VWA5B2: variants seen among roughly 807,000 people sequenced by gnomAD.
VWA5B2 encodes the protein von Willebrand factor A domain-containing protein 5B2.
Under a neutral mutation model 118.5 loss-of-function variants are expected in VWA5B2, and 93 were observed. The ratio of observed to expected loss-of-function variants is 0.79; its 90% confidence interval spans 0.66 to 0.93. VWA5B2 has a LOEUF of 0.93. Ranked by LOEUF, VWA5B2 falls within the 40% of genes least tolerant of loss-of-function variation. The pLI is 0.00. For synonymous variants in VWA5B2, 708 were observed against 716.3 expected, an observed-to-expected ratio of 0.99 and a Z score of 0.19; for missense variants, 1,546 against 1,672.8, an observed-to-expected ratio of 0.92 and a Z score of 1.32.
rs1433368797 is a variant in VWA5B2, at chr3:184,239,451, C to T, written c.2260C>T (p.Arg754Ter). 3 of 1,549,900 alleles carry T rather than the reference C, an allele frequency of 1.9e-6. No individual in the cohort carries two copies. Among genetic ancestry groups the T allele is most frequent in the South Asian group, 1.2e-5 (1 of 83,964 alleles). The change falls in exon 15 of 20, where the codon CGA becomes TGA. Residue 754 changes from arginine to a stop codon, truncating the protein, a stop_gained. Transcript: ENST00000691901. LOFTEE classifies it high-confidence loss of function. This position sits in a 1 kb window ranked among gnomAD's most constrained non-coding sequence, Gnocchi z 5.1. ...GRQHRAALAGRSLSSPPGRAN... is the reference protein window; with the variant it reads ...GRQHRAALAG ...TCAGCACAGAGCGGCTCTGGCTGGC[C>T]GAAGCCTCTCATCCCCTCCAGGCCG... is the stretch of plus-strand genomic sequence containing the variant.
At chr3:184,236,853 G>A (rs1718058020) in intron 11 of VWA5B2, 104 bp downstream of exon 11, 12 of 990,498 alleles carry the variant, frequency 1.2e-5, no homozygotes, top group Admixed American at 2.9e-5. Context: ...GGCTCCTGGC[G>A]CCCTCACCAG....
chr3:184,240,509 AGGT>A (rs1718469423), intron 16 of VWA5B2: 1 of 502,732 alleles, frequency 2.0e-6, no homozygotes, highest in Non-Finnish European at 3.5e-6. Context: ...GTGCAGAAGC[AGGT>A]GGAGGAAAAT....
chr3:184,233,806 A>G lies in VWA5B2; in HGVS notation c.688+73A>G. 6.6e-7 allele frequency: 1 copy of G among 1,520,816 alleles called. No individual in the cohort carries two copies. The highest frequency in any genetic ancestry group is 8.8e-7 in the Non-Finnish European group (1 of 1,132,110). 94.2% of individuals were successfully genotyped at this position (1,520,816 alleles called of 1,614,324 possible). On this transcript the variant is annotated intron_variant, in intron 5 of 19. Transcript: ENST00000691901. This position sits in a 1 kb window ranked among gnomAD's most constrained non-coding sequence, Gnocchi z 5.2. ...CCAGTGTAGTGACTGGAAGGGAAAT[A>G]AGGCTCAGGGATAGGAGGGACACAG...
At position 184,237,834 on chromosome 3, in the gene VWA5B2, CACTT is replaced by C. The variant is rs1718163007; in HGVS notation, c.1719+426_1719+429del. Among the ~76,000 whole-genome samples the C allele has an allele frequency of 6.6e-6, 1 of 152,218 alleles. No homozygotes were observed. The highest frequency in any genetic ancestry group is 1.5e-5 in the Non-Finnish European group (1 of 68,048). On this transcript the variant is annotated intron_variant, in intron 12 of 19. Transcript: ENST00000691901. This position sits in a 1 kb window ranked among gnomAD's most constrained non-coding sequence, Gnocchi z 5.6. ...GCACAATCTCTAATCCCAGCTCTGTCACTTACCAGCCATTTGATTTGAGCAAGTC... is the reference window on the plus strand; with the variant it reads ...GCACAATCTCTAATCCCAGCTCTGTCACCAGCCATTTGATTTGAGCAAGTC...
Position 184,236,461 on chromosome 3 carries a change from G to T in VWA5B2, c.1331G>T (p.Arg444Leu). ...CAGCCCCAGCACAGGGCCTACCCTCGGCAGCTGTTCCTGCTCACTGCTGCC... is the reference window on the plus strand; with the variant it reads ...CAGCCCCAGCACAGGGCCTACCCTCTGCAGCTGTTCCTGCTCACTGCTGCC... ...VGQPQHRAYP[R>L]QLFLLTAASP... Residue 444 changes from arginine to leucine, a missense_variant, in exon 10 of 20, where the codon CGG becomes CTG. Arg to Leu is a moderately radical substitution (Grantham distance 102, BLOSUM62 -2). Around this residue, in one of 3 missense-constraint regions of VWA5B2, gnomAD observed 775 missense variants for 882.3 expected, o/e 0.88. Transcript: ENST00000691901. 6.5e-7 allele frequency: 1 copy of T among 1,546,600 alleles called. No individual in the cohort carries two copies. The highest frequency in any genetic ancestry group is 8.7e-7 in the Non-Finnish European group (1 of 1,146,938).
chr3:184,236,039 A>C (rs1354154266), intron 8 of VWA5B2, 113 bp from the exon 9 acceptor site: 3 of 986,236 alleles, frequency 3.0e-6, no homozygotes, highest in Non-Finnish European at 4.6e-6. Flanking sequence ...CTCCCAGGTT[A>C]CCACAGCCTC....
chr3:184,234,502 G>C, intron 6 of VWA5B2, 105 bp downstream of exon 6: 1 of 1,528,772 alleles, frequency 6.5e-7, no homozygotes, highest in East Asian at 2.5e-5. Context: ...GATGGACTGA[G>C]TCATCTGTGA....
chr3:184,230,786 C>A lies in VWA5B2; in HGVS notation c.179C>A (p.Ser60Tyr). 3 of 1,242,134 alleles carry A rather than the reference C, an allele frequency of 2.4e-6. No individual in the cohort carries two copies. The highest frequency in any genetic ancestry group is 6.3e-5 in the South Asian group (2 of 31,978). 76.9% of individuals were successfully genotyped at this position (1,242,134 alleles called of 1,614,324 possible). A position where few individuals can be genotyped will look rare whatever the true frequency, so the allele number is the denominator to read the frequency against. The change falls in exon 3 of 20, where the codon TCC (serine) becomes TAC (tyrosine). Residue 60 changes from serine (S) to tyrosine (Y), a missense_variant. Ser to Tyr is a moderately radical substitution (Grantham distance 144, BLOSUM62 -2). Around this residue, in one of 3 missense-constraint regions of VWA5B2, gnomAD observed 775 missense variants for 882.3 expected, o/e 0.88. Coordinates refer to ENST00000691901, the MANE Select transcript of VWA5B2 (RefSeq NM_001390846.1). The stretch of plus-strand genomic sequence containing the variant: ...CCGCTGGCCGAGGCCGAGGTGGTGT[C>A]CGGCTTCGAGGCCGAGGCCGCCGGA... ...VYPLAEAEVV[S>Y]GFEAEAAGRR...
rs1459499103 is a variant in VWA5B2 at position 184,242,290 on chromosome 3, C to T, written c.*252C>T. 9.4e-6 allele frequency: 7 copies of T among 745,246 alleles called. No individual in the cohort carries two copies. The highest frequency in any genetic ancestry group is 1.6e-5 in the Non-Finnish European group (7 of 437,248). The allele number at this position is 745,246 out of a possible 1,614,324, so 46.2% of individuals were successfully genotyped here. A position where few individuals can be genotyped will look rare whatever the true frequency, so the allele number is the denominator to read the frequency against. On this transcript the variant is annotated 3_prime_UTR_variant, in exon 20 of 20. Transcript: ENST00000691901. ...GCAACACAGTGGAAGGGTAGAGAGC[C>T]ACAGTCCCCAAATCCTATGCAATAA...
chr3:184,230,398 G>T lies in VWA5B2; in HGVS notation c.-131G>T. ...CCCTCAGGAGCTCCCGCTCGGCCTC[G>T]CGCCCCGGCAGGCCCCGTCCGGGTG... On this transcript the variant is annotated 5_prime_UTR_variant, in exon 2 of 20. Coordinates refer to ENST00000691901, the MANE Select transcript of VWA5B2 (RefSeq NM_001390846.1). The T allele has an allele frequency of 8.8e-7, 1 of 1,135,916 alleles. No individual in the cohort carries two copies. Among genetic ancestry groups the T allele is most frequent in the Non-Finnish European group, 1.1e-6 (1 of 880,454 alleles). 70.4% of individuals were successfully genotyped at this position (1,135,916 alleles called of 1,614,324 possible).
At chr3:184,230,944 C>A in intron 3 of VWA5B2, 27 bp downstream of exon 3, 4 of 1,210,140 alleles carry the variant, frequency 3.3e-6, no homozygotes, top group Non-Finnish European at 4.1e-6. Flanking sequence ...CGCACCCGCG[C>A]TCCTGAAAGC....
In VWA5B2 at chr3:184,230,896, A is replaced by C; in HGVS notation, c.289A>C (p.Thr97Pro). The C allele has an allele frequency of 1.6e-6, 2 of 1,221,134 alleles. No homozygotes were observed. The highest frequency in any genetic ancestry group is 3.8e-5 in the South Asian group (1 of 26,084). 75.6% of individuals were successfully genotyped at this position (1,221,134 alleles called of 1,614,324 possible). The change falls in exon 3 of 20, where the codon ACG becomes CCG. Residue 97 changes from threonine (T) to proline (P), a missense_variant. Transcript: ENST00000691901. Reference protein sequence around the residue: ...RALGPGLGTPTPRRCAQGHLV... With the variant: ...RALGPGLGTPPPRRCAQGHLV... ...TCTGGGCCCGGGGCTGGGGACCCCG[A>C]CGCCCCGCCGCTGCGCGCAGGGTGA...
chr3:184,241,137 G>A lies in VWA5B2; in HGVS notation c.2962+30G>A. 1 of 1,551,586 alleles carries A rather than the reference G, an allele frequency of 6.4e-7. No homozygotes were observed. Among genetic ancestry groups the A allele is most frequent in the African/African-American group, 1.4e-5 (1 of 73,142 alleles). ...CACCCAAAGGTAGGGAAAGGGTAGG[G>A]GCACTTGGGCTTAGAGACCGCCCCC... On this transcript the variant is annotated intron_variant, in intron 18 of 19. Coordinates refer to ENST00000691901, the MANE Select transcript of VWA5B2 (RefSeq NM_001390846.1). This position sits in a 1 kb window ranked among gnomAD's most constrained non-coding sequence, Gnocchi z 5.1.
chr3:184,240,595 G>C, intron 16 of VWA5B2, 196 bp from the exon 17 acceptor site: 1 of 746,898 alleles, frequency 1.3e-6, no homozygotes. Flanking sequence ...CTCTTGCTCT[G>C]CTATGGGTTG....
rs546287335 is a variant in VWA5B2 at position 184,238,275 on chromosome 3, AT to A, written c.1720-21del. ...AAGAGGTAGCACATAACTGCAGTTA[AT>A]TTTTTTCCCAATAATATTCTCTCTA... On this transcript the variant is annotated intron_variant, in intron 12 of 19. Transcript: ENST00000691901. The surrounding 1 kb of genome is among the most constrained non-coding windows in gnomAD (Gnocchi z 5.0). 1,064 of 1,460,178 alleles carry A rather than the reference AT, an allele frequency of 7.3e-4. 6 individuals carry two copies. The African/African-American group carries it at 0.014, about 19-fold the overall frequency. 90.5% of individuals were successfully genotyped at this position (1,460,178 alleles called of 1,614,324 possible). A position where few individuals can be genotyped will look rare whatever the true frequency, so the allele number is the denominator to read the frequency against.
intron 10 of VWA5B2, 27 bp downstream of exon 10, chr3:184,236,578 T>C (rs1439033100): frequency 1.3e-6 from 2 of 1,549,074 alleles, no homozygotes; most frequent in East Asian, 2.4e-5. Flanking sequence ...ACCAGATGCG[T>C]AAGACTGAGC....
rs1443749247 is a variant in VWA5B2 at position 184,237,755 on chromosome 3, A to G, written c.1719+344A>G. 2.0e-5 allele frequency among the ~76,000 whole-genome samples: 3 copies of G among 152,344 alleles called. No homozygotes were observed. The highest frequency in any genetic ancestry group is 2.1e-4 in the South Asian group (1 of 4,830). ...TGGCTTCACATAGTTCCCTATAGAA[A>G]GCACCAGCCAGCGTATTTTCTGGGA... On this transcript the variant is annotated intron_variant, in intron 12 of 19. Transcript: ENST00000691901. The surrounding 1 kb of genome is among the most constrained non-coding windows in gnomAD (Gnocchi z 5.6).
rs1338409565 is a variant in VWA5B2 at position 184,233,345 on chromosome 3, G to T, written c.478G>T (p.Ala160Ser). ...VALPTVLTPL[A>S]PPGPPGPPRP... is the part of the protein sequence containing the mutation. ...CCTGCCCACTGTGCTCACCCCGCTG[G>T]CCCCGCCAGGCCCGCCGGGGCCCCC... is the stretch of plus-strand genomic sequence containing the variant. The change falls in exon 4 of 20, where the codon GCC (alanine) becomes TCC (serine). Residue 160 changes from alanine to serine, a missense_variant. Physicochemically the swap from Ala to Ser is moderately conservative, Grantham distance 99 (BLOSUM62 1). Coordinates refer to ENST00000691901, the MANE Select transcript of VWA5B2 (RefSeq NM_001390846.1). The surrounding 1 kb of genome is among the most constrained non-coding windows in gnomAD (Gnocchi z 5.2). 6.5e-7 allele frequency: 1 copy of T among 1,536,114 alleles called. No individual in the cohort carries two copies. Among genetic ancestry groups the T allele is most frequent in the African/African-American group, 1.4e-5 (1 of 72,884 alleles).
At chr3:184,235,492 AACAG>A (rs1026454329) in intron 8 of VWA5B2, among the ~76,000 whole-genome samples, 184 bp downstream of exon 8, 90 of 152,290 alleles carry the variant, frequency 5.9e-4, no homozygotes, top group African/African-American at 2.1e-3. Flanking sequence ...CCAACCGCCA[AACAG>A]ACACTGTCAC....
Sources: allele counts gnomAD v4.1 joint callset (sites outside exome capture counted in the v4.1 genomes callset), GRCh38; gene constraint gnomAD v4.1.1; regional missense constraint gnomAD v4.1.1; non-coding constraint Gnocchi (gnomAD v3.1); transcripts MANE v1.5; gene names NCBI Gene and HGNC (gene_info 2026-07-23, HGNC 2026-07-21).